The following KIF2A variants were observed in gnomAD, a reference collection of about 807,000 sequenced individuals.
The protein encoded by KIF2A is kinesin-like protein KIF2A.
A neutral mutation model predicts 100.2 loss-of-function variants in KIF2A; 22 were observed. The observed-to-expected ratio is 0.22, with a 90% confidence interval of 0.16 to 0.31. The LOEUF is 0.31. Among genes scored for constraint, KIF2A ranks in the 10% least tolerant of loss-of-function variants. The pLI, the probability that KIF2A is intolerant of heterozygous loss-of-function variation, is 1.00. For synonymous variants in KIF2A, 268 were observed against 285.9 expected, an observed-to-expected ratio of 0.94 and a Z score of 0.63; for missense variants, 495 against 898.7, an observed-to-expected ratio of 0.55 and a Z score of 5.74.
At chr5:62,330,609 A>C (rs531109680) in intron 1 of KIF2A, among the ~76,000 whole-genome samples, 1 of 152,286 alleles carries the variant, frequency 6.6e-6, no homozygotes, top group South Asian at 2.1e-4. Context: ...AATTCAGAGT[A>C]ATATTTCTTT....
chr5:62,326,065 T>C (rs1416778410), intron 1 of KIF2A, among the ~76,000 whole-genome samples: 1 of 152,102 alleles, frequency 6.6e-6, no homozygotes, highest in African/African-American at 2.4e-5. Flanking sequence ...ATACCAAACC[T>C]CGGTGACATG....
intron 16 of KIF2A, among the ~76,000 whole-genome samples, 185 bp downstream of exon 16, chr5:62,366,666 C>T (rs527572573): frequency 1.3e-5 from 2 of 152,108 alleles, no homozygotes; most frequent in Non-Finnish European, 2.9e-5. Context: ...CCCGTCTCTA[C>T]TAAAAATACA....
intron 1 of KIF2A, among the ~76,000 whole-genome samples, chr5:62,333,011 A>G (rs1746735750): frequency 6.6e-6 from 1 of 152,222 alleles, no homozygotes; most frequent in Non-Finnish European, 1.5e-5. Flanking sequence ...TGATAAAAGC[A>G]TCATCCTATA....
intron 1 of KIF2A, among the ~76,000 whole-genome samples, chr5:62,343,874 C>T (rs184849233): frequency 2.6e-5 from 4 of 152,162 alleles, no homozygotes; most frequent in Admixed American, 1.3e-4. Flanking sequence ...TTTGTGTTAC[C>T]GTTTATACAT....
At chr5:62,381,372 C>A in intron 20 of KIF2A, 119 bp downstream of exon 20, 1 of 758,206 alleles carries the variant, frequency 1.3e-6, no homozygotes, top group Non-Finnish European at 2.1e-6. Flanking sequence ...CACTGTTTAG[C>A]ATCTATTTTC....
chr5:62,324,354 A>C (rs1746255437), intron 1 of KIF2A, among the ~76,000 whole-genome samples: 1 of 152,236 alleles, frequency 6.6e-6, no homozygotes, highest in East Asian at 1.9e-4. Context: ...GAATTAGGAA[A>C]ATCTATTCTA....
chr5:62,372,829 T>TTAC (rs946047855), intron 17 of KIF2A, among the ~76,000 whole-genome samples: 5 of 152,210 alleles, frequency 3.3e-5, no homozygotes, highest in Non-Finnish European at 2.9e-5. Context: ...ATTACCATAC[T>TTAC]TACCATCGAA....
At chr5:62,308,531 A>C (rs1745417293) in intron 1 of KIF2A, 1 of 703,808 alleles carries the variant, frequency 1.4e-6, no homozygotes, top group Admixed American at 2.0e-5. Context: ...GGCTAAAGAA[A>C]TTATGTGTGT....
intron 1 of KIF2A, among the ~76,000 whole-genome samples, chr5:62,336,557 G>A (rs1746963135): frequency 6.6e-6 from 1 of 152,070 alleles, no homozygotes; most frequent in Admixed American, 6.5e-5. Flanking sequence ...ATGAGACAAA[G>A]CATCATGAAA....
chr5:62,379,345 C>T, intron 19 of KIF2A, among the ~76,000 whole-genome samples: 1 of 151,632 alleles, frequency 6.6e-6, no homozygotes, highest in Admixed American at 6.6e-5. Context: ...ATTAAGTGTA[C>T]AGCTAAAGGA....
chr5:62,350,000 CT>C lies in KIF2A; in HGVS notation c.280-65del. On this transcript the variant is annotated intron_variant, in intron 3 of 20. Coordinates refer to ENST00000407818, the MANE Select transcript of KIF2A (RefSeq NM_001098511.3). ...CCTACTTTTGTTTAATTGAAAGAAG[CT>C]CAGATCATGATACATATGAGGGAGT... The C allele has an allele frequency of 2.9e-6, 3 of 1,023,750 alleles. No homozygotes were observed. The East Asian group carries it at 8.2e-5, about 28-fold the overall frequency. The allele number at this position is 1,023,750 out of a possible 1,614,324, so 63.4% of individuals were successfully genotyped here.
At chr5:62,335,190 C>G (rs868725874) in intron 1 of KIF2A, among the ~76,000 whole-genome samples, 2 of 152,174 alleles carry the variant, frequency 1.3e-5, no homozygotes, top group South Asian at 4.1e-4. Flanking sequence ...TTGCAGCAAC[C>G]CTGGCTGGAG....
chr5:62,365,465 G>C lies in KIF2A; in HGVS notation c.1578+112G>C, dbSNP rs1741021515. On this transcript the variant is annotated intron_variant, in intron 15 of 20. Coordinates refer to ENST00000407818, the MANE Select transcript of KIF2A (RefSeq NM_001098511.3). ...ACAATTATTTGAATCCTTCTATTTT[G>C]AGTGATATGGTGATATTTAAGATGT... The C allele has an allele frequency of 2.4e-5, 14 of 576,066 alleles. No individual in the cohort carries two copies. In the South Asian group the frequency reaches 3.5e-4, roughly 14 times the overall value. The allele number at this position is 576,066 out of a possible 1,614,324, so 35.7% of individuals were successfully genotyped here.
rs1742162281 is a variant in KIF2A at position 62,388,930 on chromosome 5, A to G, written c.*3361A>G. 4.4e-6 allele frequency: 6 copies of G among 1,350,880 alleles called. 1 individual carries two copies. In the East Asian group the frequency reaches 7.0e-5, roughly 16 times the overall value. 83.7% of individuals were successfully genotyped at this position (1,350,880 alleles called of 1,614,324 possible). ...CAAGTAAATAATGTCTCAGTAAAGC[A>G]AAAGCATTATCTTCTCAAATACAAA... On this transcript the variant is annotated 3_prime_UTR_variant, in exon 21 of 21. Coordinates refer to ENST00000407818, the MANE Select transcript of KIF2A (RefSeq NM_001098511.3).
chr5:62,343,344 A>G (rs953227490), intron 1 of KIF2A, among the ~76,000 whole-genome samples: 2 of 152,028 alleles, frequency 1.3e-5, no homozygotes, highest in East Asian at 1.9e-4. Context: ...AGGCACCACT[A>G]TTTACTCAGT....
At chr5:62,345,481 CA>C (rs777301847) in intron 1 of KIF2A, among the ~76,000 whole-genome samples, 71 of 80,674 alleles carry the variant, frequency 8.8e-4, no homozygotes, top group Admixed American at 1.0e-3. Flanking sequence ...GACTCTGTCT[CA>C]AAAAAAAAAA....
intron 7 of KIF2A, 54 bp downstream of exon 7, chr5:62,355,308 C>T (rs990665507): frequency 1.6e-5 from 14 of 897,700 alleles, no homozygotes; most frequent in East Asian, 5.0e-5. Flanking sequence ...CAAATAAAAA[C>T]GTGTTTGACA....
chr5:62,367,561 C>T (rs1561276864), intron 16 of KIF2A, among the ~76,000 whole-genome samples: 2 of 152,112 alleles, frequency 1.3e-5, no homozygotes, highest in African/African-American at 4.8e-5. Flanking sequence ...GCCACCCCGC[C>T]TGGCCCTTTC....
At chr5:62,309,163 T>G (rs532244960) in intron 1 of KIF2A, among the ~76,000 whole-genome samples, 1 of 152,332 alleles carries the variant, frequency 6.6e-6, no homozygotes. Context: ...TTTATTTAAA[T>G]TTATTGAACT....
Sources: allele counts gnomAD v4.1 joint callset (sites outside exome capture counted in the v4.1 genomes callset), GRCh38; gene constraint gnomAD v4.1.1; transcripts MANE v1.5; gene names NCBI Gene and HGNC (gene_info 2026-07-23, HGNC 2026-07-21).